The following PASK variants were observed in gnomAD, a reference collection of about 807,000 sequenced individuals.
The protein encoded by PASK is PAS domain containing serine/threonine kinase.
Under a neutral mutation model 121.0 loss-of-function variants are expected in PASK, and 110 were observed. The observed-to-expected ratio is 0.91, with a 90% CI of 0.78 to 1.06. The LOEUF (loss-of-function observed/expected upper bound fraction) is 1.06. Among genes scored for constraint, PASK ranks in the 50% least tolerant of loss-of-function variants. The pLI, the probability that PASK is intolerant of heterozygous loss-of-function variation, is 0.00. For missense variants in PASK, 1,643 were observed against 1,702.3 expected, an observed-to-expected ratio of 0.97 and a Z score of 0.61; for synonymous variants, 686 against 717.8, an observed-to-expected ratio of 0.96 and a Z score of 0.71.
intron 6 of PASK, 105 bp from the exon 7 acceptor site, chr2:241,137,369 G>A: frequency 1.1e-6 from 1 of 911,930 alleles, no homozygotes; most frequent in Non-Finnish European, 1.8e-6. Context: ...ATCGGGGAAG[G>A]TCCCCAGGAC....
At chr2:241,113,506 CAT>C (rs1247685091) in intron 14 of PASK, 1 of 157,448 alleles carries the variant, frequency 6.4e-6, no homozygotes, top group African/African-American at 2.4e-5. Flanking sequence ...ATACACATAA[CAT>C]ATACTTGTAC....
intron 9 of PASK, among the ~76,000 whole-genome samples, chr2:241,132,487 C>T (rs544825820): frequency 7.5e-6 from 1 of 133,030 alleles, no homozygotes; most frequent in Admixed American, 7.9e-5. Context: ...TGAGATCGCA[C>T]CACTGCACTC....
chr2:241,119,611 A>G (rs907580443), intron 12 of PASK, among the ~76,000 whole-genome samples: 3 of 151,960 alleles, frequency 2.0e-5, no homozygotes, highest in African/African-American at 7.3e-5. Context: ...CTGGAACTAC[A>G]GGTGCCCGCC....
rs371863045 is a variant in PASK, at chr2:241,133,982, CA to C, written c.1307-953del. 816 of 118,012 alleles carry C rather than the reference CA, an allele frequency of 6.9e-3. 4 individuals carry two copies. Among genetic ancestry groups the C allele is most frequent in the African/African-American group, 0.013 (405 of 30,682 alleles). 7.3% of individuals were successfully genotyped at this position (118,012 alleles called of 1,614,324 possible). On this transcript the variant is annotated intron_variant, in intron 8 of 17. Coordinates refer to ENST00000234040, the MANE Select transcript of PASK (RefSeq NM_015148.4). ...CAGCAACAAGAGCGAAACTCTGTCT[CA>C]AAAAAAAAAAAAAAAAAGGACGACC...
chr2:241,147,476 C>G (rs894399816), intron 1 of PASK, among the ~76,000 whole-genome samples: 4 of 151,932 alleles, frequency 2.6e-5, no homozygotes, highest in African/African-American at 9.7e-5. Context: ...TAAAAATTAG[C>G]AAGGTGTGGT....
intron 9 of PASK, among the ~76,000 whole-genome samples, chr2:241,132,578 A>G (rs1559386106): frequency 6.7e-6 from 1 of 149,158 alleles, no homozygotes; most frequent in Non-Finnish European, 1.5e-5. Context: ...TTATGATTCC[A>G]TCAGTTCTCT....
intron 15 of PASK, chr2:241,109,485 T>C (rs1286923727): frequency 7.0e-6 from 1 of 141,910 alleles, no homozygotes; most frequent in Non-Finnish European, 1.5e-5. Flanking sequence ...ACCACAGCAG[T>C]GAGAAGAGTG....
In PASK at chr2:241,113,772, G is replaced by A. The variant is rs569213964; in HGVS notation, c.3333+1271C>T. On this transcript the variant is annotated intron_variant, in intron 14 of 17. Transcript: ENST00000234040. Reference sequence around the variant, plus strand: ...TGGACTGGCCATGCTGCCCTGGAGCGGCCTGAACCAAGCCAGGGCTGTTCC... The same window carrying A: ...TGGACTGGCCATGCTGCCCTGGAGCAGCCTGAACCAAGCCAGGGCTGTTCC... 139 of 985,438 alleles carry A rather than the reference G, an allele frequency of 1.4e-4. No homozygotes were observed. In the African/African-American group the frequency reaches 1.9e-3, roughly 13 times the overall value. 61.0% of individuals were successfully genotyped at this position (985,438 alleles called of 1,614,324 possible).
intron 12 of PASK, among the ~76,000 whole-genome samples, chr2:241,118,228 A>T (rs2125413470): frequency 6.6e-6 from 1 of 152,308 alleles, no homozygotes; most frequent in South Asian, 2.1e-4. Context: ...GGAAAAAAAA[A>T]AAACACAAAG....
At position 241,112,656 on chromosome 2, in the gene PASK, T is replaced by C. The variant is rs189577813; in HGVS notation, c.3334-217A>G. The C allele has an allele frequency of 4.7e-4, 248 of 526,864 alleles. 1 individual carries two copies. The highest frequency in any genetic ancestry group is 4.1e-3 in the African/African-American group (215 of 52,324). 32.6% of individuals were successfully genotyped at this position (526,864 alleles called of 1,614,324 possible). A position where few individuals can be genotyped will look rare whatever the true frequency, so the allele number is the denominator to read the frequency against. Reference sequence around the variant, plus strand: ...GCGTGTTCACTGGGGATGGCCACGTTAGCCGGCAAGGTGGCAACATCAATG... The same window carrying C: ...GCGTGTTCACTGGGGATGGCCACGTCAGCCGGCAAGGTGGCAACATCAATG... On this transcript the variant is annotated intron_variant, in intron 14 of 17. Coordinates refer to ENST00000234040, the MANE Select transcript of PASK (RefSeq NM_015148.4). The surrounding 1 kb of genome is among the most constrained non-coding windows in gnomAD (Gnocchi z 5.2).
In PASK at chr2:241,131,150, A is replaced by ATT. The variant is rs58426249; in HGVS notation, c.1463+1722_1463+1723dup. ...AAAAAAACACATATGCATGTATTACATTTTTTTTTTTTTTTTGAGACGGAG... is the reference window on the plus strand; with the variant it reads ...AAAAAAACACATATGCATGTATTACATTTTTTTTTTTTTTTTTTGAGACGGAG... On this transcript the variant is annotated intron_variant, in intron 9 of 17. Transcript: ENST00000234040. 2.2e-4 allele frequency among the ~76,000 whole-genome samples: 31 copies of ATT among 141,862 alleles called. 1 individual carries two copies. The East Asian group carries it at 3.2e-3, about 14-fold the overall frequency. The allele number at this position is 141,862 out of a possible 152,430, so 93.1% of individuals were successfully genotyped here.
At chr2:241,130,511 C>T (rs1173736319) in intron 9 of PASK, among the ~76,000 whole-genome samples, 1 of 152,144 alleles carries the variant, frequency 6.6e-6, no homozygotes, top group African/African-American at 2.4e-5. Context: ...CTGTTGAGCA[C>T]CCACGGGTCA....
At chr2:241,122,625 A>G (rs577313363) in intron 12 of PASK, 107 bp downstream of exon 12, 2 of 1,041,992 alleles carry the variant, frequency 1.9e-6, no homozygotes, top group South Asian at 1.3e-5. Context: ...GCTTGGTGCC[A>G]TACCTAGAGG....
Position 241,127,452 on chromosome 2 carries a change from C to T in PASK, c.1464-1G>A, listed in dbSNP as rs974346286. ...GCTTCCTTCTGGGACATTGTCCACCCTGGGGATAATGACATGGGTGACCAT... is the reference window on the plus strand; with the variant it reads ...GCTTCCTTCTGGGACATTGTCCACCTTGGGGATAATGACATGGGTGACCAT... On this transcript the variant is annotated splice_acceptor_variant, in intron 9 of 17. Coordinates refer to ENST00000234040, the MANE Select transcript of PASK (RefSeq NM_015148.4). LOFTEE classifies it high-confidence loss of function. The T allele has an allele frequency of 3.1e-6, 5 of 1,611,714 alleles. No homozygotes were observed. Among genetic ancestry groups the T allele is most frequent in the Non-Finnish European group, 3.4e-6 (4 of 1,177,998 alleles).
At chr2:241,129,283 G>C (rs144805821) in intron 9 of PASK, among the ~76,000 whole-genome samples, 27 of 152,288 alleles carry the variant, frequency 1.8e-4, no homozygotes, top group African/African-American at 5.3e-4. Context: ...CATGCTCTTG[G>C]GGCCTTAGCG....
At chr2:241,109,386 G>C (rs982109773) in intron 15 of PASK, 1 of 152,494 alleles carries the variant, frequency 6.6e-6, no homozygotes, top group Non-Finnish European at 1.5e-5. Flanking sequence ...TGCGTCTCCA[G>C]GTCCGCAGCT....
chr2:241,132,077 C>G (rs1314365016), intron 9 of PASK, among the ~76,000 whole-genome samples: 4 of 149,016 alleles, frequency 2.7e-5, no homozygotes, highest in Non-Finnish European at 5.9e-5. Flanking sequence ...AAAAAAGATT[C>G]CGAAGAAGAA....
In PASK at chr2:241,127,310, A is replaced by G. The variant is rs771025427; in HGVS notation, c.1605T>C (p.Ser535=). ...PGQDLLGESR[S]EPVDVKPFAS... ...CAAATGGCTTCACATCCACTGGTTCAGACCTGCTTTCTCCCAGAAGATCCT... is the reference window on the plus strand; with the variant it reads ...CAAATGGCTTCACATCCACTGGTTCGGACCTGCTTTCTCCCAGAAGATCCT... The change falls in exon 10 of 18, where the codon TCT becomes TCC. Residue 535 remains serine, a synonymous_variant. Coordinates refer to ENST00000234040, the MANE Select transcript of PASK (RefSeq NM_015148.4). 3.9e-5 allele frequency: 63 copies of G among 1,614,128 alleles called. No individual in the cohort carries two copies. The highest frequency in any genetic ancestry group is 5.2e-5 in the Non-Finnish European group (61 of 1,180,054).
In PASK at chr2:241,108,259, G is replaced by C; in HGVS notation, c.3575C>G (p.Thr1192Ser). The C allele has an allele frequency of 6.2e-7, 1 of 1,614,066 alleles. No individual in the cohort carries two copies. The highest frequency in any genetic ancestry group is 8.5e-7 in the Non-Finnish European group (1 of 1,179,908). ...PELEMWSLGV[T>S]LYTLVFEENP... Reference sequence around the variant, plus strand: ...CTCCTCAAAGACCAGCGTGTACAGAGTGACTCCCAGAGACCACATCTCCAG... The same window carrying C: ...CTCCTCAAAGACCAGCGTGTACAGACTGACTCCCAGAGACCACATCTCCAG... Residue 1192 changes from threonine to serine, a missense_variant, in exon 16 of 18, where the codon ACT becomes AGT. This residue lies in a region of PASK where 453 missense variants were observed against 511.2 expected (regional missense o/e 0.89). Transcript: ENST00000234040. This position sits in a 1 kb window ranked among gnomAD's most constrained non-coding sequence, Gnocchi z 5.2.
Sources: gnomAD v4.1 joint callset for allele counts (sites outside exome capture counted in the v4.1 genomes callset) on GRCh38, gnomAD v4.1.1 for gene constraint, gnomAD v4.1.1 regional missense constraint, Gnocchi (gnomAD v3.1) non-coding constraint, MANE v1.5 for transcripts, NCBI Gene and HGNC (gene_info 2026-07-23, HGNC 2026-07-21) for gene names.